Variants in LARGE1 observed in about 807,000 individuals in gnomAD.
The protein encoded by LARGE1 is xylosyl- and glucuronyltransferase LARGE1.
In LARGE1, 43 loss-of-function variants were observed where a neutral mutation model predicts 87.6. That is an observed-to-expected ratio of 0.49 (90% CI 0.38 to 0.63). The LOEUF (loss-of-function observed/expected upper bound fraction) is 0.63. LARGE1 is among the 30% of genes least tolerant of loss of function. LARGE1 has a pLI of 0.00. For synonymous variants in LARGE1, 434 were observed against 394.6 expected (o/e 1.10, Z -1.18); for missense variants, 802 against 1,000.2 (o/e 0.80, Z 2.67).
intron 1 of LARGE1, among the ~76,000 whole-genome samples, chr22:33,860,647 G>T (rs1170392096): frequency 6.6e-6 from 1 of 152,148 alleles, no homozygotes; most frequent in African/African-American, 2.4e-5. Context: ...CACCTCAGAG[G>T]GGGCTCTTCT....
chr22:33,869,901 GT>G (rs1415580042), intron 1 of LARGE1, among the ~76,000 whole-genome samples: 1 of 152,224 alleles, frequency 6.6e-6, no homozygotes, highest in Non-Finnish European at 1.5e-5. Flanking sequence ...AACCGCTGAT[GT>G]TGAAGGCACT....
chr22:33,817,467 C>T (rs974025638), intron 1 of LARGE1, among the ~76,000 whole-genome samples: 1 of 152,088 alleles, frequency 6.6e-6, no homozygotes, highest in South Asian at 2.1e-4. Flanking sequence ...TCGCAGGGGA[C>T]CCGTGGGGCA....
chr22:33,854,982 G>C (rs2063715846), intron 1 of LARGE1, among the ~76,000 whole-genome samples: 1 of 152,202 alleles, frequency 6.6e-6, no homozygotes, highest in Non-Finnish European at 1.5e-5. Flanking sequence ...TCAGCAGAGA[G>C]AGAGAGCACT....
intron 11 of LARGE1, among the ~76,000 whole-genome samples, chr22:33,190,976 AT>A (rs1923746060): frequency 6.6e-6 from 1 of 152,228 alleles, no homozygotes; most frequent in South Asian, 2.1e-4. Flanking sequence ...GCTAAGTTTT[AT>A]CACAGCCCTT....
intron 1 of LARGE1, among the ~76,000 whole-genome samples, chr22:33,768,467 G>C (rs2084973304): frequency 7.4e-6 from 1 of 135,680 alleles, no homozygotes; most frequent in African/African-American, 2.8e-5. Flanking sequence ...CACACACACA[G>C]TCTCCCGCCC....
the LARGE1 span, among the ~76,000 whole-genome samples, chr22:33,124,523 G>A: frequency 2.0e-5 from 3 of 151,868 alleles, no homozygotes; most frequent in African/African-American, 7.3e-5. Flanking sequence ...ACCATCTCTC[G>A]CTGTCTCACT....
intron 6 of LARGE1, among the ~76,000 whole-genome samples, chr22:33,531,381 C>T (rs1230111817): frequency 6.6e-6 from 1 of 152,172 alleles, no homozygotes; most frequent in African/African-American, 2.4e-5. Flanking sequence ...TGGTCTCGAA[C>T]TCCTAACCTC....
intron 1 of LARGE1, among the ~76,000 whole-genome samples, chr22:33,787,106 A>C (rs2085673093): frequency 6.6e-6 from 1 of 152,132 alleles, no homozygotes; most frequent in Admixed American, 6.6e-5. Flanking sequence ...GTTTTGCTTC[A>C]TTCCACGTTA....
chr22:33,683,619 G>A (rs1396040615), intron 2 of LARGE1, among the ~76,000 whole-genome samples: 2 of 151,700 alleles, frequency 1.3e-5, no homozygotes, highest in East Asian at 1.9e-4. Flanking sequence ...GGAACAGAAT[G>A]GTTAGGCAGG....
At chr22:33,824,227 C>T in intron 1 of LARGE1, among the ~76,000 whole-genome samples, 1 of 152,270 alleles carries the variant, frequency 6.6e-6, no homozygotes, top group African/African-American at 2.4e-5. Context: ...TAAGAACTAC[C>T]TGAGACTGGG....
intron 2 of LARGE1, among the ~76,000 whole-genome samples, chr22:33,754,882 C>A (rs1370209762): frequency 6.6e-6 from 1 of 152,122 alleles, no homozygotes; most frequent in Non-Finnish European, 1.5e-5. Flanking sequence ...ACTTCCCAGA[C>A]CTTCCAGCAC....
At chr22:33,862,492 C>T (rs2063960445) in intron 1 of LARGE1, among the ~76,000 whole-genome samples, 1 of 152,224 alleles carries the variant, frequency 6.6e-6, no homozygotes, top group African/African-American at 2.4e-5. Context: ...TCGTCTTTTC[C>T]AGTGCTGTGG....
At chr22:33,678,536 A>G (rs2081648421) in intron 2 of LARGE1, among the ~76,000 whole-genome samples, 1 of 152,206 alleles carries the variant, frequency 6.6e-6, no homozygotes, top group Non-Finnish European at 1.5e-5. Context: ...AGGAAGCCTC[A>G]TTATTGTCTT....
chr22:33,915,270 C>G (rs554198172), intron 1 of LARGE1, among the ~76,000 whole-genome samples: 3 of 152,268 alleles, frequency 2.0e-5, no homozygotes, highest in African/African-American at 7.2e-5. Flanking sequence ...GCCCACCTAC[C>G]CTCCCATTCT....
the LARGE1 span, among the ~76,000 whole-genome samples, chr22:33,144,973 T>C: frequency 6.6e-6 from 1 of 152,038 alleles, no homozygotes; most frequent in Non-Finnish European, 1.5e-5. Flanking sequence ...GCAGAATGTA[T>C]TCAAGCAGAA....
At chr22:33,641,520 T>A (rs568400076) in intron 3 of LARGE1, among the ~76,000 whole-genome samples, 1 of 152,026 alleles carries the variant, frequency 6.6e-6, no homozygotes, top group African/African-American at 2.4e-5. Context: ...CAAAACTGGA[T>A]GGAGAATGAG....
chr22:33,810,741 TG>T (rs1255558870), intron 1 of LARGE1, among the ~76,000 whole-genome samples: 2 of 151,362 alleles, frequency 1.3e-5, no homozygotes, highest in Non-Finnish European at 2.9e-5. Flanking sequence ...TTTTTTTTTT[TG>T]AGATGGAGTC....
chr22:33,584,973 C>T (rs2078627813), intron 5 of LARGE1, among the ~76,000 whole-genome samples: 1 of 152,050 alleles, frequency 6.6e-6, no homozygotes, highest in African/African-American at 2.4e-5. Flanking sequence ...AAAAATTAGC[C>T]AGGCATGGTG....
chr22:33,457,748 G>T (rs927114868), intron 6 of LARGE1, among the ~76,000 whole-genome samples: 16 of 152,172 alleles, frequency 1.1e-4, no homozygotes, highest in Non-Finnish European at 1.2e-4. Context: ...CAGCATTTGT[G>T]TTGGGTCTTA....
Sources: allele counts gnomAD v4.1 joint callset (sites outside exome capture counted in the v4.1 genomes callset), GRCh38; gene constraint gnomAD v4.1.1; transcripts MANE v1.5; gene names NCBI Gene and HGNC (gene_info 2026-07-23, HGNC 2026-07-21).